The following GDAP1 variants were observed in gnomAD, a reference collection of about 807,000 sequenced individuals.
The protein encoded by GDAP1 is ganglioside-induced differentiation-associated protein 1.
Under a neutral mutation model 40.1 loss-of-function variants are expected in GDAP1, and 34 were observed. The observed-to-expected ratio is 0.85, with a 90% CI of 0.64 to 1.13. The LOEUF is 1.13. GDAP1 is among the 50% of genes most tolerant of loss of function. The probability of loss-of-function intolerance (pLI) is 0.00; values close to 1 mark genes in which losing one functional copy is unlikely to be tolerated. For synonymous variants in GDAP1, 170 were observed against 157.4 expected (o/e 1.08, Z -0.60); for missense variants, 374 against 433.7 (o/e 0.86, Z 1.22).
rs1327195143 is a variant in GDAP1 at position 74,366,367 on chromosome 8, T to G, written c.*2000T>G. On this transcript the variant is annotated 3_prime_UTR_variant, in exon 6 of 6. Transcript: ENST00000220822. ...TCTAAAATGTTTCAAGCAAAGATAG[T>G]AATGACCTCAGTTTCTGAAATAAGG... 1 of 454,380 alleles carries G rather than the reference T, an allele frequency of 2.2e-6. No individual in the cohort carries two copies. The highest frequency in any genetic ancestry group is 2.0e-5 in the African/African-American group (1 of 50,016). The allele number at this position is 454,380 out of a possible 1,614,324, so 28.1% of individuals were successfully genotyped here. A position where few individuals can be genotyped will look rare whatever the true frequency, so the allele number is the denominator to read the frequency against.
chr8:74,439,551 A>G (rs557214114), intron 2 of GDAP1, among the ~76,000 whole-genome samples: 4 of 151,222 alleles, frequency 2.6e-5, no homozygotes, highest in East Asian at 1.9e-4. Flanking sequence ...TCATTGCAAC[A>G]TTGTATTTCT....
intron 2 of GDAP1, among the ~76,000 whole-genome samples, chr8:74,353,500 A>G (rs1458988734): frequency 7.5e-6 from 1 of 132,510 alleles, no homozygotes; most frequent in Admixed American, 7.3e-5. Context: ...GAAATTTTAA[A>G]AACAGCGTTA....
At position 74,366,808 on chromosome 8, in the gene GDAP1, A is replaced by G. The variant is rs1251552372; in HGVS notation, c.*2441A>G. 1 of 453,746 alleles carries G rather than the reference A, an allele frequency of 2.2e-6. No homozygotes were observed. Among genetic ancestry groups the G allele is most frequent in the African/African-American group, 2.0e-5 (1 of 50,004 alleles). The allele number at this position is 453,746 out of a possible 1,614,324, so 28.1% of individuals were successfully genotyped here. A position where few individuals can be genotyped will look rare whatever the true frequency, so the allele number is the denominator to read the frequency against. ...TTTTTGGTGTTGTTGAATGCAGTAG[A>G]GAGACCAAGACACTATTCTGTAAGA... is the stretch of plus-strand genomic sequence containing the variant. On this transcript the variant is annotated 3_prime_UTR_variant, in exon 6 of 6. Coordinates refer to ENST00000220822, the MANE Select transcript of GDAP1 (RefSeq NM_018972.4).
chr8:74,367,909 G>A (rs115254940), downstream of GDAP1, among the ~76,000 whole-genome samples: 1,366 of 152,240 alleles, frequency 9.0e-3, 17 homozygotes, highest in African/African-American at 0.031. Context: ...ATTGGCATTG[G>A]TGAGAAGGCA....
At chr8:74,467,857 TA>T (rs1232438115) in intron 2 of GDAP1, among the ~76,000 whole-genome samples, 1 of 152,194 alleles carries the variant, frequency 6.6e-6, no homozygotes, top group Non-Finnish European at 1.5e-5. Flanking sequence ...ACACATACCG[TA>T]AAATAATTTT....
At chr8:74,356,716 A>ATATATATATTT (rs375377157) in intron 2 of GDAP1, among the ~76,000 whole-genome samples, 10 of 104,340 alleles carry the variant, frequency 9.6e-5, no homozygotes, top group Non-Finnish European at 1.6e-4. Flanking sequence ...ATATATATAT[A>ATATATATATTT]TTTTTTTTTT....
rs549081415 is a variant in GDAP1, at chr8:74,424,393, A to G, written c.166-64285A>G. The stretch of plus-strand genomic sequence containing the variant: ...ACAAATCACTTTCCTGAGTTTGCTC[A>G]TGATCCATTCTGTCTTCATTTAGCC... On this transcript the variant is annotated intron_variant, in intron 2 of 2. Transcript: ENST00000523640. Among the ~76,000 whole-genome samples the G allele has an allele frequency of 6.6e-5, 10 of 152,250 alleles. No homozygotes were observed. The South Asian group carries it at 1.2e-3, about 19-fold the overall frequency.
intron 3 of GDAP1, among the ~76,000 whole-genome samples, chr8:74,361,155 A>T (rs1430138532): frequency 6.7e-6 from 1 of 150,330 alleles, no homozygotes; most frequent in South Asian, 2.1e-4. Flanking sequence ...CCTCCTCTTC[A>T]TAAATACCCT....
chr8:74,357,971 C>G lies in GDAP1; in HGVS notation c.311-2166C>G, dbSNP rs1809183682. Reference sequence around the variant, plus strand: ...CTTTGAAAAACTCTTTTATCAGAAGCAGCAGATACTGTTGTGCTTCAGTGT... The same window carrying G: ...CTTTGAAAAACTCTTTTATCAGAAGGAGCAGATACTGTTGTGCTTCAGTGT... On this transcript the variant is annotated intron_variant, in intron 2 of 5. Transcript: ENST00000220822. Among the ~76,000 whole-genome samples, 3 of 152,198 alleles carry G rather than the reference C, an allele frequency of 2.0e-5. No individual in the cohort carries two copies. In the South Asian group the frequency reaches 6.2e-4, roughly 31 times the overall value.
downstream of GDAP1, among the ~76,000 whole-genome samples, chr8:74,367,765 A>G (rs547972621): frequency 6.6e-6 from 1 of 152,330 alleles, no homozygotes; most frequent in Admixed American, 6.5e-5. Context: ...AGTTTTAATT[A>G]TGTATTACAT....
chr8:74,416,686 T>C (rs993786959), intron 2 of GDAP1, among the ~76,000 whole-genome samples: 2 of 149,828 alleles, frequency 1.3e-5, no homozygotes, highest in Admixed American at 6.6e-5. Context: ...GGTCACATCA[T>C]TGGGTCACTT....
chr8:74,470,389 G>A (rs1367453570), intron 2 of GDAP1, among the ~76,000 whole-genome samples: 1 of 152,056 alleles, frequency 6.6e-6, no homozygotes, highest in African/African-American at 2.4e-5. Flanking sequence ...ATCTCCTAAT[G>A]CTCTCCCTCC....
intron 1 of GDAP1, among the ~76,000 whole-genome samples, chr8:74,350,846 C>G (rs1046842923): frequency 6.6e-6 from 1 of 152,188 alleles, no homozygotes; most frequent in African/African-American, 2.4e-5. Context: ...GGTCTGGAGG[C>G]CTTGCCTGCT....
intron 2 of GDAP1, among the ~76,000 whole-genome samples, chr8:74,383,850 C>G (rs1353786629): frequency 2.0e-5 from 3 of 152,138 alleles, no homozygotes; most frequent in African/African-American, 7.2e-5. Flanking sequence ...AAAGGAAACA[C>G]ATACACTCAC....
chr8:74,440,796 A>T (rs1161581417), intron 2 of GDAP1, among the ~76,000 whole-genome samples: 1 of 152,122 alleles, frequency 6.6e-6, no homozygotes, highest in Non-Finnish European at 1.5e-5. Context: ...TAGGAAATTA[A>T]CTATTTCCTA....
intron 2 of GDAP1, among the ~76,000 whole-genome samples, chr8:74,386,428 C>G (rs556916409): frequency 6.6e-6 from 1 of 152,276 alleles, no homozygotes; most frequent in Admixed American, 6.5e-5. Flanking sequence ...TTTCCCAACA[C>G]CATTTATTAA....
At chr8:74,455,205 G>A (rs912232099) in intron 2 of GDAP1, among the ~76,000 whole-genome samples, 1 of 151,790 alleles carries the variant, frequency 6.6e-6, no homozygotes, top group Admixed American at 6.6e-5. Flanking sequence ...ACTTTTCTTT[G>A]CAAAATGAAA....
intron 2 of GDAP1, among the ~76,000 whole-genome samples, chr8:74,472,705 C>CTTTCTTTTCTTTCCT: frequency 6.9e-6 from 1 of 144,684 alleles, no homozygotes; most frequent in Admixed American, 7.0e-5. Context: ...CGATATTGAG[C>CTTTCTTTTCTTTCCT]TTTCTTTTCT....
chr8:74,486,394 C>T (rs1392088642), intron 2 of GDAP1, among the ~76,000 whole-genome samples: 1 of 152,184 alleles, frequency 6.6e-6, no homozygotes, highest in Non-Finnish European at 1.5e-5. Context: ...GGCAAGGTTT[C>T]CTTCACATGT....
Sources: gnomAD v4.1 joint callset for allele counts (sites outside exome capture counted in the v4.1 genomes callset) on GRCh38, gnomAD v4.1.1 for gene constraint, MANE v1.5 for transcripts, NCBI Gene and HGNC (gene_info 2026-07-23, HGNC 2026-07-21) for gene names.